The following ULK4 variants were observed in gnomAD, a reference collection of about 807,000 sequenced individuals.
ULK4 encodes unc-51 like kinase 4, also known as inactive serine/threonine-protein kinase ULK4.
ULK4 carries 133 observed loss-of-function variants against 160.6 expected under a neutral mutation model. That is an observed-to-expected ratio of 0.83 (90% CI 0.72 to 0.96). The LOEUF (loss-of-function observed/expected upper bound fraction) is 0.96. Ranked by LOEUF, ULK4 falls within the 40% of genes least tolerant of loss-of-function variation. The probability of loss-of-function intolerance (pLI) is 0.00; values close to 1 mark genes in which losing one functional copy is unlikely to be tolerated. For synonymous variants in ULK4, 534 were observed against 539.8 expected (o/e 0.99, Z 0.15); for missense variants, 1,580 against 1,499.5 (o/e 1.05, Z -0.89).
chr3:41,291,497 GGAAA>G (rs1186338559), intron 35 of ULK4, among the ~76,000 whole-genome samples: 1 of 148,172 alleles, frequency 6.7e-6, no homozygotes, highest in Non-Finnish European at 1.5e-5. Context: ...AAGGAAGAAA[GGAAA>G]GAAAGAAAGG....
intron 32 of ULK4, among the ~76,000 whole-genome samples, chr3:41,559,020 T>C (rs58987309): frequency 3.0e-5 from 4 of 133,038 alleles, no homozygotes; most frequent in Non-Finnish European, 5.0e-5. Context: ...ATGCTATCCC[T>C]CCCCCCTACC....
chr3:41,256,736 A>G (rs575214132), intron 35 of ULK4, among the ~76,000 whole-genome samples: 1 of 152,354 alleles, frequency 6.6e-6, no homozygotes, highest in African/African-American at 2.4e-5. Flanking sequence ...GACTTCGTCA[A>G]TGTTAAAAAC....
intron 32 of ULK4, among the ~76,000 whole-genome samples, chr3:41,529,572 C>T (rs1459902065): frequency 6.6e-6 from 1 of 152,154 alleles, no homozygotes; most frequent in Non-Finnish European, 1.5e-5. Flanking sequence ...GCAACCTCTG[C>T]CTCCCAGGTC....
At chr3:41,828,991 A>G (rs991803161) in intron 18 of ULK4, among the ~76,000 whole-genome samples, 6 of 151,258 alleles carry the variant, frequency 4.0e-5, no homozygotes, top group South Asian at 2.1e-4. Context: ...AAATAATGCC[A>G]CATATCTACA....
intron 27 of ULK4, chr3:41,687,896 G>A (rs1235691122): frequency 6.6e-6 from 1 of 152,254 alleles, no homozygotes; most frequent in Non-Finnish European, 1.5e-5. Context: ...GCCCAGGCAA[G>A]GCTCCTTTCT....
intron 34 of ULK4, among the ~76,000 whole-genome samples, chr3:41,440,775 G>A (rs1038900538): frequency 6.6e-6 from 1 of 152,022 alleles, no homozygotes; most frequent in African/African-American, 2.4e-5. Flanking sequence ...ATCTGGCACT[G>A]GAGGCTTCCT....
rs1246698958 is a variant in ULK4, at chr3:41,388,042, C to T, written c.3678+10037G>A. Among the ~76,000 whole-genome samples the T allele has an allele frequency of 5.9e-5, 9 of 152,160 alleles. No individual in the cohort carries two copies. In the East Asian group the frequency reaches 1.7e-3, roughly 29 times the overall value. ...ACATCCTCTCCAGCACCTGTTGTTTCCTGACTTTGTAATGATTGCCATTCT... is the reference window on the plus strand; with the variant it reads ...ACATCCTCTCCAGCACCTGTTGTTTTCTGACTTTGTAATGATTGCCATTCT... On this transcript the variant is annotated intron_variant, in intron 35 of 36. Coordinates refer to ENST00000301831, the MANE Select transcript of ULK4 (RefSeq NM_017886.4).
intron 27 of ULK4, among the ~76,000 whole-genome samples, chr3:41,702,860 G>T (rs28379338): frequency 0.19 from 26,210 of 139,856 alleles, 6,675 homozygotes; most frequent in African/African-American, 0.58. Context: ...TTTTGGTTTT[G>T]TTTTTTTTTT....
At chr3:41,617,583 A>C (rs1559435737) in intron 30 of ULK4, among the ~76,000 whole-genome samples, 1 of 152,192 alleles carries the variant, frequency 6.6e-6, no homozygotes, top group Non-Finnish European at 1.5e-5. Flanking sequence ...CAACATCAAC[A>C]TAAAAAACCC....
At chr3:41,334,607 C>A (rs1006103855) in intron 35 of ULK4, among the ~76,000 whole-genome samples, 5 of 152,290 alleles carry the variant, frequency 3.3e-5, no homozygotes, top group African/African-American at 9.6e-5. Context: ...TCTGCTGGAG[C>A]CTGCTGCGTC....
At chr3:41,639,448 G>A (rs1321501677) in intron 30 of ULK4, among the ~76,000 whole-genome samples, 1 of 152,188 alleles carries the variant, frequency 6.6e-6, no homozygotes, top group Non-Finnish European at 1.5e-5. Context: ...AAATGGCTGG[G>A]TGTGGTGGCT....
intron 34 of ULK4, among the ~76,000 whole-genome samples, chr3:41,419,215 G>A (rs559882233): frequency 6.6e-6 from 1 of 151,860 alleles, no homozygotes; most frequent in East Asian, 1.9e-4. Context: ...AATGTTGGGG[G>A]AAAAAAAAGC....
At chr3:41,465,984 T>C (rs1404956154) in intron 32 of ULK4, among the ~76,000 whole-genome samples, 11 of 152,196 alleles carry the variant, frequency 7.2e-5, no homozygotes, top group Admixed American at 6.5e-4. Context: ...TACCAAAAGT[T>C]ACTAATGCAT....
intron 32 of ULK4, among the ~76,000 whole-genome samples, chr3:41,559,022 C>A (rs1575412108): frequency 7.4e-6 from 1 of 134,564 alleles, no homozygotes; most frequent in Non-Finnish European, 1.7e-5. Context: ...GCTATCCCTC[C>A]CCCCTACCCC....
At chr3:41,519,714 A>C (rs1205499749) in intron 32 of ULK4, among the ~76,000 whole-genome samples, 1 of 152,238 alleles carries the variant, frequency 6.6e-6, no homozygotes, top group African/African-American at 2.4e-5. Context: ...TGCATTGGTA[A>C]AATGGGAACT....
chr3:41,252,031 AC>A lies in ULK4; in HGVS notation c.3679-2458del, dbSNP rs1476259891. On this transcript the variant is annotated intron_variant, in intron 35 of 36. Coordinates refer to ENST00000301831, the MANE Select transcript of ULK4 (RefSeq NM_017886.4). ...ATATCTCTGCTCACATCCCAGACTG[AC>A]CCCTGGGGAGGGACACACCAGATAG... 2.0e-5 allele frequency among the ~76,000 whole-genome samples: 3 copies of A among 152,138 alleles called. 1 individual carries two copies. In the South Asian group the frequency reaches 6.2e-4, roughly 32 times the overall value.
chr3:41,490,275 A>G (rs1235709497), intron 32 of ULK4, among the ~76,000 whole-genome samples: 1 of 152,160 alleles, frequency 6.6e-6, no homozygotes, highest in African/African-American at 2.4e-5. Context: ...GAGCCTGAGC[A>G]TCACGCCATC....
chr3:41,662,193 A>G (rs949832698), intron 30 of ULK4, among the ~76,000 whole-genome samples: 21 of 152,204 alleles, frequency 1.4e-4, no homozygotes, highest in Non-Finnish European at 2.2e-4. Context: ...AGGAATTTGG[A>G]AGGCTCATTG....
At chr3:41,329,729 C>T (rs557366267) in intron 35 of ULK4, among the ~76,000 whole-genome samples, 33 of 152,212 alleles carry the variant, frequency 2.2e-4, no homozygotes, top group Admixed American at 1.5e-3. Flanking sequence ...ATTCCACTGA[C>T]GAACATTTAG....
Sources: allele counts gnomAD v4.1 joint callset (sites outside exome capture counted in the v4.1 genomes callset), GRCh38; gene constraint gnomAD v4.1.1; transcripts MANE v1.5; gene names NCBI Gene and HGNC (gene_info 2026-07-23, HGNC 2026-07-21).